The following MEIS2 variants were observed in gnomAD, a reference collection of about 807,000 sequenced individuals.
MEIS2 encodes the protein Meis homeobox 2.
In MEIS2, 9 loss-of-function variants were observed where a neutral mutation model predicts 58.6. The observed-to-expected ratio is 0.15, with a 90% CI of 0.09 to 0.27. The LOEUF (loss-of-function observed/expected upper bound fraction) is 0.27. MEIS2 is among the 10% of genes least tolerant of loss of function. The pLI is 1.00. For synonymous variants in MEIS2, 221 were observed against 228.4 expected, an observed-to-expected ratio of 0.97 and a Z score of 0.29; for missense variants, 427 against 635.0, an observed-to-expected ratio of 0.67 and a Z score of 3.52.
intron 5 of MEIS2, chr15:37,094,044 A>G (rs759121455): frequency 5.6e-5 from 19 of 338,286 alleles, no homozygotes; most frequent in Non-Finnish European, 1.0e-4. Flanking sequence ...TTTGATAATA[A>G]CATCAAAACA....
rs34511475 is a variant in MEIS2 at position 37,051,978 on chromosome 15, C to CAAA, written c.755-15022_755-15020dup. 6.5e-3 allele frequency among the ~76,000 whole-genome samples: 979 copies of CAAA among 149,926 alleles called. 10 individuals carry two copies. The highest frequency in any genetic ancestry group is 0.022 in the African/African-American group (905 of 40,970). ...TGTTAACGAAGAACTATCCAAGTTG[C>CAAA]AAAAAAAAAATACCGATAATAACTT... On this transcript the variant is annotated intron_variant, in intron 7 of 11. Transcript: ENST00000561208.
intron 8 of MEIS2, among the ~76,000 whole-genome samples, chr15:37,028,493 C>T (rs897017326): frequency 6.6e-6 from 1 of 152,172 alleles, no homozygotes; most frequent in Non-Finnish European, 1.5e-5. Context: ...TTGCAATTTT[C>T]TCTCTTCTAG....
At chr15:37,010,495 C>G (rs768072569) in intron 8 of MEIS2, among the ~76,000 whole-genome samples, 3 of 152,142 alleles carry the variant, frequency 2.0e-5, no homozygotes, top group African/African-American at 4.8e-5. Context: ...AGATCCTCAC[C>G]CCTAAGCCTC....
intron 7 of MEIS2, among the ~76,000 whole-genome samples, chr15:37,053,530 A>G (rs1342916427): frequency 6.6e-6 from 1 of 152,146 alleles, no homozygotes; most frequent in East Asian, 1.9e-4. Context: ...GAAGTTGGTA[A>G]TGACTTCCTC....
chr15:37,067,088 CTTTTTTTTTTTT>C (rs542247552), intron 7 of MEIS2, among the ~76,000 whole-genome samples: 31 of 129,588 alleles, frequency 2.4e-4, no homozygotes, highest in Admixed American at 7.2e-4. Context: ...GCAACTAACT[CTTTTTTTTTTTT>C]TTTTTTTGAG....
At chr15:37,096,562 C>T (rs1340279755) in intron 2 of MEIS2, 132 bp from the exon 3 acceptor site, 4 of 1,106,292 alleles carry the variant, frequency 3.6e-6, no homozygotes, top group South Asian at 3.5e-5. Context: ...CCACACTTTA[C>T]AACCCTTCCT....
At chr15:36,916,354 T>A (rs1367320603) in intron 9 of MEIS2, among the ~76,000 whole-genome samples, 1 of 148,942 alleles carries the variant, frequency 6.7e-6, no homozygotes, top group Non-Finnish European at 1.5e-5. Context: ...GTGAACCCGG[T>A]AGGCAGAGCT....
chr15:36,892,517 A>G (rs2055923152), intron 11 of MEIS2, 58 bp from the exon 12 acceptor site: 2 of 1,206,622 alleles, frequency 1.7e-6, no homozygotes, highest in East Asian at 2.5e-5. Flanking sequence ...TTTATACTTT[A>G]CCCATCAAAG....
intron 9 of MEIS2, among the ~76,000 whole-genome samples, chr15:36,916,827 G>C (rs1250681420): frequency 6.6e-6 from 1 of 152,170 alleles, no homozygotes; most frequent in African/African-American, 2.4e-5. Flanking sequence ...ACACTAAACT[G>C]AATGCATACA....
chr15:36,929,024 A>G (rs2057862414), intron 9 of MEIS2, among the ~76,000 whole-genome samples: 1 of 152,236 alleles, frequency 6.6e-6, no homozygotes, highest in Admixed American at 6.5e-5. Flanking sequence ...TTTTAAATAA[A>G]AACAAACAAT....
chr15:36,944,933 T>G (rs1269314191), intron 9 of MEIS2, among the ~76,000 whole-genome samples: 1 of 152,040 alleles, frequency 6.6e-6, no homozygotes, highest in Non-Finnish European at 1.5e-5. Context: ...CATTTAGATT[T>G]CTTGCACCAC....
chr15:36,977,998 A>G (rs555948075), intron 8 of MEIS2, among the ~76,000 whole-genome samples: 1 of 152,340 alleles, frequency 6.6e-6, no homozygotes, highest in Non-Finnish European at 1.5e-5. Context: ...CCCTCTAGAA[A>G]GGCACATGTT....
At chr15:37,006,258 C>T (rs1334219341) in intron 8 of MEIS2, among the ~76,000 whole-genome samples, 1 of 152,168 alleles carries the variant, frequency 6.6e-6, no homozygotes, top group South Asian at 2.1e-4. Context: ...AAACTGTTGA[C>T]AGAAGTAAAG....
chr15:37,009,818 A>G (rs572962427), intron 8 of MEIS2, among the ~76,000 whole-genome samples: 6 of 152,336 alleles, frequency 3.9e-5, no homozygotes, highest in Admixed American at 3.9e-4. Flanking sequence ...AAAAAATATA[A>G]ATGAATGTTG....
intron 8 of MEIS2, among the ~76,000 whole-genome samples, chr15:37,013,924 T>A (rs959592004): frequency 1.3e-5 from 2 of 152,182 alleles, no homozygotes; most frequent in African/African-American, 2.4e-5. Context: ...AACATTTCTG[T>A]AACTTCACAC....
chr15:37,020,720 C>T (rs7177410), intron 8 of MEIS2, among the ~76,000 whole-genome samples: 2,086 of 149,522 alleles, frequency 0.014, 57 homozygotes, highest in African/African-American at 0.048. Flanking sequence ...TAACTTGCCT[C>T]GTTGCCCTCA....
At chr15:37,083,735 G>A (rs1177801380) in intron 7 of MEIS2, 36 bp downstream of exon 7, 1 of 1,557,194 alleles carries the variant, frequency 6.4e-7, no homozygotes. Context: ...TTTTAGTCAT[G>A]CCTACTTTGC....
chr15:36,899,877 G>C (rs1195079994), intron 9 of MEIS2, among the ~76,000 whole-genome samples: 1 of 152,114 alleles, frequency 6.6e-6, no homozygotes, highest in East Asian at 1.9e-4. Context: ...AAAAATAAGG[G>C]GAAAAGAGGG....
intron 9 of MEIS2, among the ~76,000 whole-genome samples, chr15:36,913,904 A>G (rs2057156994): frequency 6.6e-6 from 1 of 152,208 alleles, no homozygotes; most frequent in African/African-American, 2.4e-5. Flanking sequence ...CTTTGCCCCA[A>G]GAATCAAACT....
Sources: allele counts gnomAD v4.1 joint callset (sites outside exome capture counted in the v4.1 genomes callset), GRCh38; gene constraint gnomAD v4.1.1; transcripts MANE v1.5; gene names NCBI Gene and HGNC (gene_info 2026-07-23, HGNC 2026-07-21).